LOC400499: variants seen among roughly 807,000 people sequenced by gnomAD.
At chr16:11,422,429 A>G in the LOC400499 span, among the ~76,000 whole-genome samples, 1 of 152,064 alleles carries the variant, frequency 6.6e-6, no homozygotes, top group Non-Finnish European at 1.5e-5. Flanking sequence ...ACGGAAAGGA[A>G]CAGAACGGAA....
chr16:11,394,937 A>T, the LOC400499 span, among the ~76,000 whole-genome samples: 1,077 of 152,346 alleles, frequency 7.1e-3, 12 homozygotes, highest in African/African-American at 0.024. Flanking sequence ...GTTGGTGGCA[A>T]TTTAATACAG....
the LOC400499 span, chr16:11,521,947 C>G: frequency 5.0e-6 from 2 of 399,276 alleles, no homozygotes; most frequent in Non-Finnish European, 8.8e-6. Flanking sequence ...CCCAAAGACA[C>G]TCACCCATAA....
At chr16:11,508,456 G>A in the LOC400499 span, among the ~76,000 whole-genome samples, 26 of 152,172 alleles carry the variant, frequency 1.7e-4, no homozygotes, top group East Asian at 3.8e-4. Flanking sequence ...TTGTGTGCTC[G>A]TAGACAGACA....
chr16:11,485,067 G>T, the LOC400499 span: 6 of 398,874 alleles, frequency 1.5e-5, no homozygotes, highest in Middle Eastern at 6.2e-4. Context: ...TCCAGCCGGA[G>T]CCCAAGCTGG....
At chr16:11,486,083 G>T in the LOC400499 span, among the ~76,000 whole-genome samples, 80 of 148,448 alleles carry the variant, frequency 5.4e-4, 1 homozygote, top group African/African-American at 1.6e-3. Flanking sequence ...TGGATGTATG[G>T]ATGGATGGAC....
At chr16:11,399,841 T>C in the LOC400499 span, 1 of 398,382 alleles carries the variant, frequency 2.5e-6, no homozygotes, top group Non-Finnish European at 4.4e-6. Flanking sequence ...AGGGCAGTGG[T>C]GGGGAAAGGG....
At chr16:11,499,516 C>A in the LOC400499 span, among the ~76,000 whole-genome samples, 2 of 152,036 alleles carry the variant, frequency 1.3e-5, no homozygotes, top group Admixed American at 6.5e-5. Context: ...TGAGTCAGTG[C>A]CTGATTCTTG....
chr16:11,385,438 G>C, the LOC400499 span: 502 of 1,230,838 alleles, frequency 4.1e-4, no homozygotes, highest in African/African-American at 7.1e-3. Flanking sequence ...CAGCCCAAAG[G>C]CAGGGTGAGC....
the LOC400499 span, chr16:11,462,412 T>C: frequency 7.6e-7 from 1 of 1,315,542 alleles, no homozygotes; most frequent in Admixed American, 3.8e-5. Flanking sequence ...CTAACAACCT[T>C]CTACACCGAT....
the LOC400499 span, chr16:11,518,905 G>A: frequency 1.0e-5 from 4 of 398,852 alleles, no homozygotes; most frequent in African/African-American, 6.2e-5. Flanking sequence ...CTTACCTCAG[G>A]CTCTCCGACT....
At chr16:11,426,985 A>G in the LOC400499 span, among the ~76,000 whole-genome samples, 2 of 146,854 alleles carry the variant, frequency 1.4e-5, no homozygotes, top group South Asian at 2.1e-4. Context: ...TCAATAAAAG[A>G]CAAACAATTT....
chr16:11,473,342 T>TA, the LOC400499 span, among the ~76,000 whole-genome samples: 688 of 119,994 alleles, frequency 5.7e-3, 6 homozygotes, highest in East Asian at 0.027. Context: ...AACCTTACTC[T>TA]AAAAAAAAAA....
the LOC400499 span, chr16:11,460,443 C>A: frequency 6.7e-7 from 1 of 1,497,646 alleles, no homozygotes; most frequent in South Asian, 1.3e-5. Flanking sequence ...CTCTAGTGCT[C>A]TCTCCGGATG....
At chr16:11,520,582 G>A in the LOC400499 span, among the ~76,000 whole-genome samples, 52 of 150,240 alleles carry the variant, frequency 3.5e-4, no homozygotes, top group Middle Eastern at 3.5e-3. Flanking sequence ...CAGGAGAATC[G>A]CTTGAACTGG....
the LOC400499 span, among the ~76,000 whole-genome samples, chr16:11,380,684 A>ATAAC: frequency 2.7e-5 from 4 of 147,572 alleles, no homozygotes; most frequent in East Asian, 3.9e-4. Context: ...CAAGAGGGGA[A>ATAAC]TAACTTAGCC....
chr16:11,521,369 G>C, the LOC400499 span, among the ~76,000 whole-genome samples: 6 of 152,178 alleles, frequency 3.9e-5, no homozygotes, highest in African/African-American at 1.4e-4. Flanking sequence ...CTGCTTGCAA[G>C]AACATTGAGG....
At chr16:11,418,290 C>T in the LOC400499 span, among the ~76,000 whole-genome samples, 1 of 152,204 alleles carries the variant, frequency 6.6e-6, no homozygotes, top group African/African-American at 2.4e-5. Flanking sequence ...AGGCTGAGAC[C>T]TACCAGGCTG....
the LOC400499 span, among the ~76,000 whole-genome samples, chr16:11,512,936 G>A: frequency 0.59 from 89,588 of 151,826 alleles, 26,880 homozygotes; most frequent in Admixed American, 0.66. Flanking sequence ...CCATCTAGTG[G>A]GTTCTCCCCC....
At chr16:11,454,616 C>T in the LOC400499 span, among the ~76,000 whole-genome samples, 3 of 152,210 alleles carry the variant, frequency 2.0e-5, no homozygotes, top group African/African-American at 7.2e-5. Flanking sequence ...AGGGTTGTCC[C>T]CAGAGCCTTA....
Sources: gnomAD v4.1 joint callset for allele counts (sites outside exome capture counted in the v4.1 genomes callset) on GRCh38, gnomAD v4.1.1 for gene constraint, MANE v1.5 for transcripts.